Variants in HERC6 observed in about 807,000 individuals in gnomAD.
The protein encoded by HERC6 is probable E3 ubiquitin-protein ligase HERC6.
A neutral mutation model predicts 114.5 loss-of-function variants in HERC6; 101 were observed. The observed-to-expected ratio is 0.88, with a 90% CI of 0.75 to 1.04. The LOEUF is 1.04. HERC6 is among the 50% of genes least tolerant of loss of function. HERC6 has a pLI of 0.00. For missense variants in HERC6, 1,133 were observed against 1,230.9 expected (o/e 0.92, Z 1.19); for synonymous variants, 408 against 436.2 (o/e 0.94, Z 0.81).
chr4:88,441,729 CAAGCTGCCTT>C (rs1360814504), intron 22 of HERC6, among the ~76,000 whole-genome samples: 1 of 152,152 alleles, frequency 6.6e-6, no homozygotes, highest in African/African-American at 2.4e-5. Context: ...TCTATAAGCC[CAAGCTGCCTT>C]TCTAATCTTC....
chr4:88,436,707 A>G (rs1738786483), intron 18 of HERC6, among the ~76,000 whole-genome samples, 198 bp from the exon 19 acceptor site: 1 of 152,244 alleles, frequency 6.6e-6, no homozygotes, highest in South Asian at 2.1e-4. Context: ...AGCAGTGTCT[A>G]TGTAGTAACA....
intron 5 of HERC6, among the ~76,000 whole-genome samples, chr4:88,395,073 G>A (rs1440602446): frequency 4.6e-5 from 7 of 152,098 alleles, no homozygotes; most frequent in Non-Finnish European, 8.8e-5. Context: ...GAGCCATAAG[G>A]AATAGACTTG....
chr4:88,394,474 C>CA (rs781425955), intron 5 of HERC6, among the ~76,000 whole-genome samples: 2,344 of 42,644 alleles, frequency 0.055, 125 homozygotes, highest in African/African-American at 0.069. Context: ...CTCTCCTGTC[C>CA]AAAAAAAAAA....
At chr4:88,428,900 A>C (rs1737909715) in intron 16 of HERC6, 150 bp downstream of exon 16, 1 of 596,242 alleles carries the variant, frequency 1.7e-6, no homozygotes, top group African/African-American at 1.9e-5. Context: ...CCTTCAGAGA[A>C]TAGCAATAGG....
intron 11 of HERC6, among the ~76,000 whole-genome samples, chr4:88,408,877 G>A: frequency 6.6e-6 from 1 of 152,096 alleles, no homozygotes; most frequent in Non-Finnish European, 1.5e-5. Context: ...CAGCTTAGGG[G>A]CTTTTCAAAG....
chr4:88,422,419 T>C (rs1578408793), intron 13 of HERC6, among the ~76,000 whole-genome samples: 1 of 152,226 alleles, frequency 6.6e-6, no homozygotes, highest in African/African-American at 2.4e-5. Context: ...GGGATTTTTG[T>C]AGATACGTTT....
rs187254051 is a variant in HERC6 at position 88,439,173 on chromosome 4, T to C, written c.2556-701T>C. ...GAAATGCTGCATTCTGTGGCCTAAC[T>C]ACAAAAGAGAGACAAGACCTATGAA... On this transcript the variant is annotated intron_variant, in intron 20 of 22. Coordinates refer to ENST00000264346, the MANE Select transcript of HERC6 (RefSeq NM_017912.4). 2.0e-3 allele frequency among the ~76,000 whole-genome samples: 308 copies of C among 152,110 alleles called. 1 individual carries two copies. Among genetic ancestry groups the C allele is most frequent in the African/African-American group, 6.4e-3 (264 of 41,498 alleles).
At chr4:88,441,963 C>G (rs1397731606) in intron 22 of HERC6, among the ~76,000 whole-genome samples, 2 of 152,178 alleles carry the variant, frequency 1.3e-5, no homozygotes, top group African/African-American at 4.8e-5. Context: ...ATCCTTTAAG[C>G]TCCTAACCTC....
intron 12 of HERC6, among the ~76,000 whole-genome samples, chr4:88,416,025 C>T (rs1736441121): frequency 6.6e-6 from 1 of 152,178 alleles, no homozygotes; most frequent in Non-Finnish European, 1.5e-5. Flanking sequence ...GAGTCAGTTC[C>T]TTGGTGAGGG....
At chr4:88,435,155 C>T (rs1010422468) in intron 17 of HERC6, among the ~76,000 whole-genome samples, 4 of 152,142 alleles carry the variant, frequency 2.6e-5, no homozygotes, top group Non-Finnish European at 5.9e-5. Context: ...CCAAGGACTA[C>T]AAGTGCAGAC....
At position 88,392,872 on chromosome 4, in the gene HERC6, C is replaced by G. The variant is rs193084950; in HGVS notation, c.665-616C>G. Among the ~76,000 whole-genome samples, 765 of 152,316 alleles carry G rather than the reference C, an allele frequency of 5.0e-3. 10 individuals carry two copies. Among genetic ancestry groups the G allele is most frequent in the African/African-American group, 0.018 (738 of 41,570 alleles). ...CACTGCCTGCAATAATTCCTTGTAA[C>G]CAATGAACTTGTTTCGAAATAACCT... On this transcript the variant is annotated intron_variant, in intron 4 of 22. Coordinates refer to ENST00000264346, the MANE Select transcript of HERC6 (RefSeq NM_017912.4).
chr4:88,426,727 C>G (rs1030850449), intron 15 of HERC6, among the ~76,000 whole-genome samples: 1 of 146,686 alleles, frequency 6.8e-6, no homozygotes, highest in Non-Finnish European at 1.5e-5. Flanking sequence ...CGGCCCGCCT[C>G]AGCCTCCCAA....
chr4:88,437,855 T>C (rs1738915416), intron 20 of HERC6, 74 bp downstream of exon 20: 1 of 1,089,488 alleles, frequency 9.2e-7, no homozygotes, highest in Non-Finnish European at 1.4e-6. Context: ...TCTTTTAAAA[T>C]GTATTTTTAA....
intron 3 of HERC6, among the ~76,000 whole-genome samples, chr4:88,385,942 T>C (rs993867684): frequency 4.5e-4 from 68 of 152,260 alleles, no homozygotes; most frequent in African/African-American, 1.3e-3. Flanking sequence ...GGTGTCAAAA[T>C]CATGACTCTA....
intron 8 of HERC6, among the ~76,000 whole-genome samples, chr4:88,402,016 T>G (rs1735569120): frequency 6.6e-6 from 1 of 152,118 alleles, no homozygotes; most frequent in South Asian, 2.1e-4. Context: ...GAGTTATAGG[T>G]GTGATTATAG....
chr4:88,396,953 G>T lies in HERC6; in HGVS notation c.990G>T (p.Glu330Asp), dbSNP rs1401215378. 5 of 1,612,768 alleles carry T rather than the reference G, an allele frequency of 3.1e-6. No individual in the cohort carries two copies. In the East Asian group the frequency reaches 6.7e-5, roughly 22 times the overall value. ...SKPTHPEALTENFDISCLISA... is the reference protein window; with the variant it reads ...SKPTHPEALTDNFDISCLISA... The stretch of plus-strand genomic sequence containing the variant: ...CAACTCATCCGGAGGCCCTGACAGA[G>T]AACTTTGACATTAGCTGCCTGATTT... Residue 330 changes from glutamate (E) to aspartate (D), a missense_variant, in exon 7 of 23, where the codon GAG becomes GAT. Glu to Asp is a conservative substitution (Grantham distance 45, BLOSUM62 2). Coordinates refer to ENST00000264346, the MANE Select transcript of HERC6 (RefSeq NM_017912.4).
At position 88,414,883 on chromosome 4, in the gene HERC6, T is replaced by C. The variant is rs115451366; in HGVS notation, c.1558+1617T>C. Among the ~76,000 whole-genome samples the C allele has an allele frequency of 3.3e-3, 505 of 152,324 alleles. 5 individuals are homozygous for C. Among genetic ancestry groups the C allele is most frequent in the Middle Eastern group, 6.8e-3 (2 of 294 alleles). On this transcript the variant is annotated intron_variant, in intron 12 of 22. Coordinates refer to ENST00000264346, the MANE Select transcript of HERC6 (RefSeq NM_017912.4). ...ATCTAGAACGCCTAACTGTCTGGGA[T>C]GGTAGCCCAGTAGGTCTCAGCCTTA... is the stretch of plus-strand genomic sequence containing the variant.
intron 8 of HERC6, among the ~76,000 whole-genome samples, chr4:88,403,582 G>A (rs564399558): frequency 5.3e-5 from 8 of 151,952 alleles, no homozygotes; most frequent in South Asian, 2.1e-4. Context: ...GTGAAACCCC[G>A]TCTCTACTAA....
At position 88,383,327 on chromosome 4, in the gene HERC6, T is replaced by A. The variant is rs1734415390; in HGVS notation, c.306T>A (p.Gly102=). 3.8e-6 allele frequency: 6 copies of A among 1,560,352 alleles called. No homozygotes were observed. The highest frequency in any genetic ancestry group is 1.4e-5 in the African/African-American group (1 of 73,276). ...HKGRVFAWGA[G]SEGQLGIGEF... is the part of the protein sequence containing the mutation. ...GAAGGGTCTTCGCATGGGGAGCTGGTTCTGAAGGGCAGCTGGGGATTGGAG... is the reference window on the plus strand; with the variant it reads ...GAAGGGTCTTCGCATGGGGAGCTGGATCTGAAGGGCAGCTGGGGATTGGAG... The change falls in exon 2 of 23, where the codon GGT becomes GGA. Residue 102 remains glycine, a synonymous_variant. Transcript: ENST00000264346.
Sources: gnomAD v4.1 joint callset for allele counts (sites outside exome capture counted in the v4.1 genomes callset) on GRCh38, gnomAD v4.1.1 for gene constraint, MANE v1.5 for transcripts, NCBI Gene and HGNC (gene_info 2026-07-23, HGNC 2026-07-21) for gene names.